Variants in EMC3 observed in about 807,000 individuals in gnomAD.
EMC3 encodes ER membrane protein complex subunit 3.
In EMC3, 13 loss-of-function variants were observed where a neutral mutation model predicts 36.6. The ratio of observed to expected loss-of-function variants is 0.35; its 90% CI spans 0.23 to 0.56. The LOEUF is 0.56. EMC3 is among the 20% of genes least tolerant of loss of function. The pLI, the probability that EMC3 is intolerant of heterozygous loss-of-function variation, is 0.84. For synonymous variants in EMC3, 120 were observed against 111.9 expected (o/e 1.07, Z -0.46); for missense variants, 220 against 324.5 (o/e 0.68, Z 2.47).
In EMC3 at chr3:9,986,778, A is replaced by C; in HGVS notation, c.-117T>G. The C allele has an allele frequency of 6.6e-7, 1 of 1,509,928 alleles. No individual in the cohort carries two copies. The allele number at this position is 1,509,928 out of a possible 1,614,324, so 93.5% of individuals were successfully genotyped here. A position where few individuals can be genotyped will look rare whatever the true frequency, so the allele number is the denominator to read the frequency against. On this transcript the variant is annotated 5_prime_UTR_variant, in exon 1 of 8. Coordinates refer to ENST00000245046, the MANE Select transcript of EMC3 (RefSeq NM_001394674.1). ...TCAAGCCCCTTTGCCCGTGTACCCC[A>C]GAACTCTCCTGCGACTGTGAGCCGA...
At chr3:9,999,244 CTT>C (rs60974972) in intron 1 of EMC3, among the ~76,000 whole-genome samples, 42 of 140,156 alleles carry the variant, frequency 3.0e-4, no homozygotes, top group East Asian at 8.3e-4. Context: ...TCAAATTTAT[CTT>C]TTTTTTTTTT....
intron 1 of EMC3, chr3:9,981,719 G>A (rs1454459360): frequency 9.2e-6 from 4 of 436,426 alleles, no homozygotes; most frequent in East Asian, 8.5e-5. Context: ...ATAGGTGTGA[G>A]CCATTGCACC....
At chr3:9,970,537 T>G in intron 6 of EMC3, 45 bp downstream of exon 6, 1 of 1,587,690 alleles carries the variant, frequency 6.3e-7, no homozygotes, top group Non-Finnish European at 8.6e-7. Context: ...TATGGATGAT[T>G]CATCTATGGA....
chr3:9,984,278 C>T (rs962007426), intron 1 of EMC3, among the ~76,000 whole-genome samples: 2 of 151,610 alleles, frequency 1.3e-5, no homozygotes, highest in African/African-American at 4.8e-5. Flanking sequence ...GATGGGGTTT[C>T]ACCATGTTGG....
chr3:9,986,517 C>G lies in EMC3; in HGVS notation c.145G>C (p.Val49Leu). The change falls in exon 1 of 8, where the codon GTA becomes CTA. Residue 49 changes from valine to leucine, a missense_variant. Val to Leu is a conservative substitution (Grantham distance 32, BLOSUM62 1). This residue lies in a region of EMC3 where 127 missense variants were observed against 174.6 expected (regional missense o/e 0.73). Coordinates refer to ENST00000245046, the MANE Select transcript of EMC3 (RefSeq NM_001394674.1). ...QSDKKLTQEQ[V>L]SDSQVLIRSR... The stretch of plus-strand genomic sequence containing the variant: ...AGGGAGGGCGCTGACCTGTCAGATA[C>G]TTGTTCCTGGGTGAGCTTCTTGTCG... 14 of 1,614,164 alleles carry G rather than the reference C, an allele frequency of 8.7e-6. No homozygotes were observed. The highest frequency in any genetic ancestry group is 1.1e-5 in the Non-Finnish European group (13 of 1,180,024).
At chr3:10,010,606 C>A (rs1190975279) in intron 1 of EMC3, among the ~76,000 whole-genome samples, 1 of 152,246 alleles carries the variant, frequency 6.6e-6, no homozygotes, top group Admixed American at 6.5e-5. Context: ...CTCCCTCCCC[C>A]ACTCAGTGGC....
intron 1 of EMC3, among the ~76,000 whole-genome samples, chr3:9,999,414 G>A (rs1027189389): frequency 5.3e-5 from 8 of 151,868 alleles, no homozygotes; most frequent in African/African-American, 1.9e-4. Context: ...ACTAATTTTT[G>A]TATTTTTAGT....
intron 1 of EMC3, among the ~76,000 whole-genome samples, chr3:9,992,065 G>A (rs1256748592): frequency 2.6e-5 from 4 of 151,998 alleles, no homozygotes; most frequent in South Asian, 2.1e-4. Flanking sequence ...CACAGACTCC[G>A]TGATCCAGGA....
intron 1 of EMC3, among the ~76,000 whole-genome samples, chr3:9,993,196 CCTATT>C (rs1277754068): frequency 6.6e-6 from 1 of 152,206 alleles, no homozygotes; most frequent in Non-Finnish European, 1.5e-5. Flanking sequence ...CCTTTCGTAT[CCTATT>C]CTAAGTAGCT....
intron 1 of EMC3, chr3:9,993,071 A>G: frequency 1.1e-6 from 1 of 903,350 alleles, no homozygotes; most frequent in Non-Finnish European, 1.8e-6. Flanking sequence ...GCTCTCATGT[A>G]AAATTTCATC....
rs764986996 is a variant in EMC3 at position 9,970,622 on chromosome 3, C to T, written c.534G>A (p.Gly178=). The T allele has an allele frequency of 6.2e-7, 1 of 1,613,992 alleles. No homozygotes were observed. The highest frequency in any genetic ancestry group is 8.5e-7 in the Non-Finnish European group (1 of 1,180,032). The change falls in exon 6 of 8, where the codon GGG becomes GGA. Residue 178 remains glycine, a synonymous_variant. Transcript: ENST00000245046. ...GAATCAGAGAGTAAATGCTCCGAAGCCCAAATACATTGAGGAAGTACCAGG... is the reference window on the plus strand; with the variant it reads ...GAATCAGAGAGTAAATGCTCCGAAGTCCAAATACATTGAGGAAGTACCAGG... The part of the protein sequence containing the change: ...SASWYFLNVF[G]LRSIYSLILG...
At chr3:9,993,568 T>C (rs2086082311) in intron 1 of EMC3, among the ~76,000 whole-genome samples, 1 of 152,196 alleles carries the variant, frequency 6.6e-6, no homozygotes, top group Non-Finnish European at 1.5e-5. Context: ...CTGCCAGTTA[T>C]ATGTGTTTTG....
intron 1 of EMC3, chr3:10,003,283 A>C: frequency 2.2e-6 from 1 of 452,118 alleles, no homozygotes; most frequent in South Asian, 1.6e-5. Flanking sequence ...CTTGCCAATA[A>C]GGAGGCTGTG....
At chr3:10,005,434 C>T (rs897867319) in intron 1 of EMC3, among the ~76,000 whole-genome samples, 9 of 152,188 alleles carry the variant, frequency 5.9e-5, no homozygotes, top group African/African-American at 1.9e-4. Context: ...GCCAGTGACC[C>T]GCCAGGGACA....
chr3:9,984,332 G>A (rs1266468444), intron 1 of EMC3, among the ~76,000 whole-genome samples: 2 of 151,774 alleles, frequency 1.3e-5, no homozygotes, highest in Non-Finnish European at 2.9e-5. Flanking sequence ...TGCCTGCCTC[G>A]GCCTCTCAAA....
rs61596273 is a variant in EMC3 at position 9,963,477 on chromosome 3, A to ATATATATTTTT, written c.*591_*592insAAAAATATATA. The stretch of plus-strand genomic sequence containing the variant: ...TAGATATATATATATATATATATAT[A>ATATATATTTTT]TTTTTTTTTTTTTTTCAGATGGAGT... On this transcript the variant is annotated 3_prime_UTR_variant, in exon 8 of 8. Transcript: ENST00000245046. The ATATATATTTTT allele has an allele frequency of 8.7e-4, 77 of 88,878 alleles. No individual in the cohort carries two copies. Among genetic ancestry groups the ATATATATTTTT allele is most frequent in the Non-Finnish European group, 1.4e-3 (64 of 46,234 alleles). 5.5% of individuals were successfully genotyped at this position (88,878 alleles called of 1,614,324 possible). A position where few individuals can be genotyped will look rare whatever the true frequency, so the allele number is the denominator to read the frequency against.
chr3:9,991,991 C>A (rs2086058966), intron 1 of EMC3, among the ~76,000 whole-genome samples: 1 of 152,192 alleles, frequency 6.6e-6, no homozygotes, highest in Non-Finnish European at 1.5e-5. Context: ...GGAGGCGGAT[C>A]TCAGTGGTAA....
chr3:9,973,766 G>A, intron 4 of EMC3, 57 bp from the exon 5 acceptor site: 1 of 1,498,282 alleles, frequency 6.7e-7, no homozygotes, highest in Non-Finnish European at 9.3e-7. Context: ...TAGAATAAGT[G>A]TGACTCTTTC....
upstream of EMC3, among the ~76,000 whole-genome samples, chr3:9,990,325 CTTTTTTTTTT>C (rs4020037): frequency 4.5e-5 from 4 of 88,708 alleles, no homozygotes; most frequent in African/African-American, 2.3e-4. Flanking sequence ...GGGCCTTTCT[CTTTTTTTTTT>C]TTTTTTTTTT....
Sources: allele counts gnomAD v4.1 joint callset (sites outside exome capture counted in the v4.1 genomes callset), GRCh38; gene constraint gnomAD v4.1.1; regional missense constraint gnomAD v4.1.1; transcripts MANE v1.5; gene names NCBI Gene and HGNC (gene_info 2026-07-23, HGNC 2026-07-21).